The following JAM3 variants were observed in gnomAD, a reference collection of about 807,000 sequenced individuals.
The protein encoded by JAM3 is junctional adhesion molecule C.
In JAM3, 31 loss-of-function variants were observed where a neutral mutation model predicts 39.4. That is an observed-to-expected ratio of 0.79 (90% CI 0.59 to 1.06). JAM3 has a LOEUF of 1.06. JAM3 is among the 50% of genes least tolerant of loss of function. The pLI is 0.00. For missense variants in JAM3, 455 were observed against 391.4 expected (o/e 1.16, Z -1.37); for synonymous variants, 182 against 148.7 (o/e 1.22, Z -1.63).
At chr11:134,105,565 CCT>C (rs1491577702) in intron 1 of JAM3, among the ~76,000 whole-genome samples, 2 of 152,030 alleles carry the variant, frequency 1.3e-5, no homozygotes, top group East Asian at 1.9e-4. Context: ...TCAAATTGTC[CCT>C]GTTTGTAGAT....
chr11:134,113,902 G>A (rs1489296859), intron 1 of JAM3, among the ~76,000 whole-genome samples: 1 of 152,194 alleles, frequency 6.6e-6, no homozygotes, highest in Non-Finnish European at 1.5e-5. Context: ...GTGTGAGATG[G>A]TATCTCATTG....
chr11:134,126,052 CAT>C (rs1476197840), intron 1 of JAM3, among the ~76,000 whole-genome samples: 4 of 152,306 alleles, frequency 2.6e-5, no homozygotes, highest in East Asian at 1.9e-4. Flanking sequence ...GCTGGCTCCT[CAT>C]ATGTGAAAAT....
intron 8 of JAM3, 54 bp from the exon 9 acceptor site, chr11:134,149,092 T>C: frequency 6.2e-7 from 1 of 1,609,370 alleles, no homozygotes; most frequent in South Asian, 1.1e-5. Flanking sequence ...TCCGTGTTTT[T>C]CCCTGCTTGC....
rs1003550216 is a variant in JAM3, at chr11:134,151,019, A to G, written c.*1838A>G. The G allele has an allele frequency of 6.6e-6, 1 of 152,264 alleles. No homozygotes were observed. The highest frequency in any genetic ancestry group is 1.5e-5 in the Non-Finnish European group (1 of 68,052). 9.4% of individuals were successfully genotyped at this position (152,264 alleles called of 1,614,324 possible). On this transcript the variant is annotated 3_prime_UTR_variant, in exon 9 of 9. Transcript: ENST00000299106. Reference sequence around the variant, plus strand: ...ATCACTCAGAAGCCTGTGTTCTTCAAGAGCAGGTGTTCTCAGCCTCACATG... The same window carrying G: ...ATCACTCAGAAGCCTGTGTTCTTCAGGAGCAGGTGTTCTCAGCCTCACATG...
intron 1 of JAM3, among the ~76,000 whole-genome samples, chr11:134,081,955 G>A (rs779821087): frequency 6.6e-6 from 1 of 152,240 alleles, no homozygotes; most frequent in Non-Finnish European, 1.5e-5. Context: ...AGTGTGACCT[G>A]GATATGAGAC....
intron 1 of JAM3, among the ~76,000 whole-genome samples, chr11:134,092,209 C>T (rs1941874358): frequency 6.6e-6 from 1 of 152,180 alleles, no homozygotes; most frequent in African/African-American, 2.4e-5. Context: ...CACACATGCC[C>T]AGAGCTGTTG....
chr11:134,139,336 G>T (rs1942930416), intron 1 of JAM3, among the ~76,000 whole-genome samples: 3 of 152,136 alleles, frequency 2.0e-5, no homozygotes, highest in African/African-American at 7.2e-5. Context: ...TGGAACCACC[G>T]GGTTGCTCAT....
chr11:134,150,978 G>C lies in JAM3; in HGVS notation c.*1797G>C, dbSNP rs1943212049. On this transcript the variant is annotated 3_prime_UTR_variant, in exon 9 of 9. Coordinates refer to ENST00000299106, the MANE Select transcript of JAM3 (RefSeq NM_032801.5). Reference sequence around the variant, plus strand: ...GCCGGAGACACTGCTCCCATTTGTGGGGGGACATTAGCAACATCACTCAGA... The same window carrying C: ...GCCGGAGACACTGCTCCCATTTGTGCGGGGACATTAGCAACATCACTCAGA... 6.6e-6 allele frequency: 1 copy of C among 152,208 alleles called. No homozygotes were observed. Among genetic ancestry groups the C allele is most frequent in the African/African-American group, 2.4e-5 (1 of 41,448 alleles). The allele number at this position is 152,208 out of a possible 1,614,324, so 9.4% of individuals were successfully genotyped here.
intron 1 of JAM3, among the ~76,000 whole-genome samples, chr11:134,122,032 A>G (rs1942543834): frequency 2.6e-5 from 4 of 152,082 alleles, no homozygotes; most frequent in South Asian, 2.1e-4. Context: ...ATATACCATT[A>G]TTTTTTTACT....
chr11:134,082,305 C>G (rs1332155199), intron 1 of JAM3, among the ~76,000 whole-genome samples: 2 of 152,180 alleles, frequency 1.3e-5, no homozygotes, highest in Non-Finnish European at 2.9e-5. Flanking sequence ...TGAGTTAATG[C>G]TGAAATGAGC....
At chr11:134,124,782 A>G (rs1346768144) in intron 1 of JAM3, among the ~76,000 whole-genome samples, 1 of 152,188 alleles carries the variant, frequency 6.6e-6, no homozygotes, top group Non-Finnish European at 1.5e-5. Context: ...AGGCAGTGTT[A>G]ATTATGGCAC....
chr11:134,086,549 C>A (rs1433330417), intron 1 of JAM3, among the ~76,000 whole-genome samples: 1 of 152,100 alleles, frequency 6.6e-6, no homozygotes, highest in East Asian at 1.9e-4. Context: ...GGGAAATTTT[C>A]ATGCCTGAAC....
intron 1 of JAM3, among the ~76,000 whole-genome samples, chr11:134,102,671 G>A (rs1167124066): frequency 6.6e-6 from 1 of 152,204 alleles, no homozygotes; most frequent in Admixed American, 6.5e-5. Context: ...GTCCTTAAAT[G>A]ACCTGATGGA....
chr11:134,140,832 C>G (rs1942961284), intron 3 of JAM3, 62 bp downstream of exon 3: 1 of 1,555,396 alleles, frequency 6.4e-7, no homozygotes, highest in Admixed American at 1.9e-5. Context: ...TGGGTATACA[C>G]TCTTGGCCAG....
intron 1 of JAM3, among the ~76,000 whole-genome samples, chr11:134,092,806 T>A (rs1941894779): frequency 7.4e-6 from 1 of 135,518 alleles, no homozygotes; most frequent in African/African-American, 2.8e-5. Flanking sequence ...ATCTTACATG[T>A]CACTTCCTGA....
chr11:134,130,972 A>T (rs962962554), intron 1 of JAM3, among the ~76,000 whole-genome samples: 1 of 152,208 alleles, frequency 6.6e-6, no homozygotes, highest in Non-Finnish European at 1.5e-5. Flanking sequence ...GACATGTACA[A>T]TAGGCCCTGT....
chr11:134,106,198 C>A (rs1942182292), intron 1 of JAM3, among the ~76,000 whole-genome samples: 1 of 152,250 alleles, frequency 6.6e-6, no homozygotes, highest in African/African-American at 2.4e-5. Context: ...TACCACACAT[C>A]TACAACCATC....
At chr11:134,121,497 A>G (rs1452989398) in intron 1 of JAM3, among the ~76,000 whole-genome samples, 1 of 151,954 alleles carries the variant, frequency 6.6e-6, no homozygotes, top group Non-Finnish European at 1.5e-5. Context: ...TGAGCATGTA[A>G]AACATGTTTT....
chr11:134,078,694 T>C (rs1941614159), intron 1 of JAM3, among the ~76,000 whole-genome samples: 1 of 152,198 alleles, frequency 6.6e-6, no homozygotes, highest in Non-Finnish European at 1.5e-5. Context: ...CACACACCCT[T>C]CTTTAAGTGT....
Sources: gnomAD v4.1 joint callset for allele counts (sites outside exome capture counted in the v4.1 genomes callset) on GRCh38, gnomAD v4.1.1 for gene constraint, MANE v1.5 for transcripts, NCBI Gene and HGNC (gene_info 2026-07-23, HGNC 2026-07-21) for gene names.